Variants in NPHP4 observed in about 807,000 individuals in gnomAD.
The protein encoded by NPHP4 is nephrocystin-4.
NPHP4 carries 151 observed loss-of-function variants against 155.8 expected under a neutral mutation model. That is an observed-to-expected ratio of 0.97 (90% CI 0.85 to 1.11). NPHP4 has a LOEUF of 1.11. Ranked by LOEUF, NPHP4 falls within the 50% of genes least tolerant of loss-of-function variation. The pLI, the probability that NPHP4 is intolerant of heterozygous loss-of-function variation, is 0.00. For missense variants in NPHP4, 1,956 were observed against 1,925.7 expected, an observed-to-expected ratio of 1.02 and a Z score of -0.29; for synonymous variants, 845 against 816.8, an observed-to-expected ratio of 1.03 and a Z score of -0.59.
Position 5,877,279 on chromosome 1 carries a change from T to C in NPHP4, c.2631A>G (p.Ala877=). 6.3e-6 allele frequency: 10 copies of C among 1,598,818 alleles called. No individual in the cohort carries two copies. The highest frequency in any genetic ancestry group is 8.6e-6 in the Non-Finnish European group (10 of 1,168,266). ...GSSRRKHVVQ[A]QKLADVDSEL... is the part of the protein sequence containing the mutation. ...CACTGTCCACGTCCGCCAGCTTCTG[T>C]GCTTGCACCACGTGTTTTCCTGCGA... Residue 877 remains alanine (A), a synonymous_variant, in exon 20 of 30, where the codon GCA becomes GCG. Coordinates refer to ENST00000378156, the MANE Select transcript of NPHP4 (RefSeq NM_015102.5).
chr1:5,865,754 C>CT (rs1436245060), intron 26 of NPHP4: 1 of 164,100 alleles, frequency 6.1e-6, no homozygotes, highest in East Asian at 1.7e-4. Context: ...TCAAATGGGG[C>CT]TGGGTGAGGC....
chr1:5,967,872 A>G (rs1416681868), intron 4 of NPHP4, among the ~76,000 whole-genome samples: 4 of 152,050 alleles, frequency 2.6e-5, no homozygotes, highest in Non-Finnish European at 4.4e-5. Context: ...GCGACAGCAA[A>G]CAATTATCCA....
At chr1:5,948,320 G>A in intron 7 of NPHP4, 69 bp from the exon 8 acceptor site, 8 of 1,229,700 alleles carry the variant, frequency 6.5e-6, no homozygotes, top group Non-Finnish European at 7.7e-6. Context: ...AAGTCCCTGG[G>A]GGAGGCGAGC....
rs1410064747 is a variant in NPHP4, at chr1:5,892,590, G to A, written c.2144-1562C>T. ...TATAGTGGTGACAGAATGGGGGCCG[G>A]TCCAGCGGGGCACTGGAAGGAGCTC... is the stretch of plus-strand genomic sequence containing the variant. On this transcript the variant is annotated intron_variant, in intron 16 of 29. Coordinates refer to ENST00000378156, the MANE Select transcript of NPHP4 (RefSeq NM_015102.5). The surrounding 1 kb of genome is among the most constrained non-coding windows in gnomAD (Gnocchi z 4.5). Among the ~76,000 whole-genome samples the A allele has an allele frequency of 1.3e-5, 2 of 152,098 alleles. No individual in the cohort carries two copies. The highest frequency in any genetic ancestry group is 4.8e-5 in the African/African-American group (2 of 41,402).
chr1:5,957,262 T>C (rs1404094424), intron 6 of NPHP4, among the ~76,000 whole-genome samples: 1 of 152,160 alleles, frequency 6.6e-6, no homozygotes, highest in Non-Finnish European at 1.5e-5. Context: ...GGGACCCCCA[T>C]AAGCACACTA....
At chr1:5,864,135 GACCCC>G in intron 28 of NPHP4, 102 bp from the exon 29 acceptor site, 1 of 1,335,220 alleles carries the variant, frequency 7.5e-7, no homozygotes, top group Non-Finnish European at 1.0e-6. Context: ...CGTGCACGGG[GACCCC>G]CACAGAGATA....
rs192773581 is a variant in NPHP4 at position 5,990,437 on chromosome 1, C to T, written c.-39+1807G>A. Reference sequence around the variant, plus strand: ...GAACCCAAGAAAAGGGTACAGTGGGCTCTCCAGGGGAAAAAAAAAAAGAAG... The same window carrying T: ...GAACCCAAGAAAAGGGTACAGTGGGTTCTCCAGGGGAAAAAAAAAAAGAAG... On this transcript the variant is annotated intron_variant, in intron 1 of 29. Transcript: ENST00000378156. 9.9e-5 allele frequency among the ~76,000 whole-genome samples: 15 copies of T among 151,792 alleles called. 1 individual carries two copies. In the East Asian group the frequency reaches 2.9e-3, roughly 29 times the overall value.
chr1:5,921,354 T>A (rs537097669), intron 11 of NPHP4, among the ~76,000 whole-genome samples: 13 of 152,298 alleles, frequency 8.5e-5, no homozygotes, highest in African/African-American at 2.4e-4. Context: ...TCTCTAACAG[T>A]CGTCTGGAAA....
chr1:5,964,393 C>G (rs1274077561), intron 5 of NPHP4, among the ~76,000 whole-genome samples: 1 of 152,154 alleles, frequency 6.6e-6, no homozygotes, highest in Non-Finnish European at 1.5e-5. Flanking sequence ...GACCAAATAC[C>G]AGAGAGAGAT....
In NPHP4 at chr1:5,877,146, C is replaced by G. The variant is rs1306482088; in HGVS notation, c.2764G>C (p.Val922Leu). The change falls in exon 20 of 30, where the codon GTG becomes CTG. Residue 922 changes from valine (V) to leucine (L), a missense_variant. By Grantham distance (32) the Val-to-Leu change is conservative. Coordinates refer to ENST00000378156, the MANE Select transcript of NPHP4 (RefSeq NM_015102.5). ...RRRKLERMRS[V>L]RLQEAGGDLG... ...TCTCCCCCGGCCTCCTGCAGGCGCA[C>G]AGACCTCATCCGCTCCAGCTTACGC... The G allele has an allele frequency of 6.3e-7, 1 of 1,599,950 alleles. No homozygotes were observed. Among genetic ancestry groups the G allele is most frequent in the East Asian group, 2.3e-5 (1 of 44,392 alleles).
In NPHP4 at chr1:5,887,326, C is replaced by T. The variant is rs764367617; in HGVS notation, c.2445G>A (p.Ser815=). The T allele has an allele frequency of 5.5e-5, 88 of 1,613,570 alleles. No homozygotes were observed. In the East Asian group the frequency reaches 1.7e-3, roughly 31 times the overall value. ...FGRVKPIGVH[S]VVKGRLHLTL... ...TCAGGTGCAGCCGGCCCTTCACCAC[C>T]GAGTGGACGCCGATGGGCTTGACGC... The change falls in exon 18 of 30, where the codon TCG becomes TCA. Residue 815 remains serine, a synonymous_variant. Transcript: ENST00000378156.
At position 5,970,780 on chromosome 1, in the gene NPHP4, T is replaced by A. The variant is rs1325973795; in HGVS notation, c.280-1521A>T. 3.3e-5 allele frequency among the ~76,000 whole-genome samples: 5 copies of A among 152,220 alleles called. No homozygotes were observed. The South Asian group carries it at 8.3e-4, about 25-fold the overall frequency. ...CTATTAACGAGTCATTACCATGGTG[T>A]CACCGAGAAAACGTTTACTGTAATC... On this transcript the variant is annotated intron_variant, in intron 3 of 29. Transcript: ENST00000378156.
At chr1:5,960,484 G>A (rs143403348) in intron 6 of NPHP4, among the ~76,000 whole-genome samples, 293 of 152,122 alleles carry the variant, frequency 1.9e-3, no homozygotes, top group African/African-American at 6.4e-3. Flanking sequence ...TTTCTTCAGG[G>A]TCCAGAATGA....
At chr1:5,953,962 G>GA (rs1409808644) in intron 6 of NPHP4, among the ~76,000 whole-genome samples, 1 of 151,720 alleles carries the variant, frequency 6.6e-6, no homozygotes, top group East Asian at 1.9e-4. Context: ...TTTCAAAGTT[G>GA]AAAAAAAAGA....
Position 5,880,296 on chromosome 1 carries a change from C to A in NPHP4, c.2486-57G>T, listed in dbSNP as rs899524020. On this transcript the variant is annotated intron_variant, in intron 18 of 29. Coordinates refer to ENST00000378156, the MANE Select transcript of NPHP4 (RefSeq NM_015102.5). ...AACCCCAAATGAGAATCTGATGAAA[C>A]AGATCAACCCACCACATAAGCGGCT... is the stretch of plus-strand genomic sequence containing the variant. 13 of 1,582,876 alleles carry A rather than the reference C, an allele frequency of 8.2e-6. No individual in the cohort carries two copies. The African/African-American group carries it at 1.6e-4, about 20-fold the overall frequency.
At chr1:5,893,438 TTCCTG>T (rs1303232510) in intron 16 of NPHP4, among the ~76,000 whole-genome samples, 1 of 152,126 alleles carries the variant, frequency 6.6e-6, no homozygotes, top group African/African-American at 2.4e-5. Context: ...AGGGGGACCT[TTCCTG>T]CCTGGCAGCC....
chr1:5,951,907 A>G (rs1312757923), intron 7 of NPHP4, among the ~76,000 whole-genome samples: 1 of 152,204 alleles, frequency 6.6e-6, no homozygotes, highest in Non-Finnish European at 1.5e-5. Flanking sequence ...ACGGAGCCGG[A>G]GAGGAAACCC....
At chr1:5,938,828 A>C (rs932261981) in intron 9 of NPHP4, among the ~76,000 whole-genome samples, 2 of 152,240 alleles carry the variant, frequency 1.3e-5, no homozygotes, top group Admixed American at 6.5e-5. Flanking sequence ...GAATCATCAG[A>C]ATCGGCTATT....
intron 11 of NPHP4, among the ~76,000 whole-genome samples, chr1:5,915,649 C>G (rs942292614): frequency 6.6e-6 from 1 of 152,106 alleles, no homozygotes; most frequent in African/African-American, 2.4e-5. Context: ...AGAACAGGAG[C>G]TGGTTCAGCA....
Sources: gnomAD v4.1 joint callset for allele counts (sites outside exome capture counted in the v4.1 genomes callset) on GRCh38, gnomAD v4.1.1 for gene constraint, Gnocchi (gnomAD v3.1) non-coding constraint, MANE v1.5 for transcripts, NCBI Gene and HGNC (gene_info 2026-07-23, HGNC 2026-07-21) for gene names.